The following UBR2 variants were observed in gnomAD, a reference collection of about 807,000 sequenced individuals.
UBR2 encodes the protein E3 ubiquitin-protein ligase UBR2.
A neutral mutation model predicts 247.9 loss-of-function variants in UBR2; 92 were observed. That is an observed-to-expected ratio of 0.37 (90% CI 0.31 to 0.44). The LOEUF (loss-of-function observed/expected upper bound fraction) is 0.44, where lower values mean the gene tolerates loss of function less well. UBR2 is among the 20% of genes least tolerant of loss of function. The pLI is 1.00. For synonymous variants in UBR2, 672 were observed against 693.5 expected, an observed-to-expected ratio of 0.97 and a Z score of 0.49; for missense variants, 1,613 against 2,112.6, an observed-to-expected ratio of 0.76 and a Z score of 4.64.
chr6:42,663,478 A>G (rs1797936764), intron 32 of UBR2, 59 bp downstream of exon 32: 3 of 1,491,446 alleles, frequency 2.0e-6, no homozygotes, highest in Non-Finnish European at 2.7e-6. Flanking sequence ...AGATAATGAA[A>G]TAATAAATCA....
chr6:42,587,502 T>C (rs147100270), intron 2 of UBR2, among the ~76,000 whole-genome samples: 11 of 151,962 alleles, frequency 7.2e-5, no homozygotes, highest in Non-Finnish European at 1.5e-4. Context: ...AGACTACAGG[T>C]GCATGCTGCC....
In UBR2 at chr6:42,564,038, A is replaced by T. The variant is rs1014799814; in HGVS notation, c.-282A>T. The stretch of plus-strand genomic sequence containing the variant: ...CCTGGTGCAGGACGCGGTAGTGGCC[A>T]GCGAGAGTGTCAGGCCTGGGGTTTT... On this transcript the variant is annotated 5_prime_UTR_variant, in exon 1 of 47. Transcript: ENST00000372901. The T allele has an allele frequency of 1.9e-5, 9 of 478,374 alleles. No homozygotes were observed. The highest frequency in any genetic ancestry group is 1.6e-4 in the African/African-American group (8 of 49,262). 29.6% of individuals were successfully genotyped at this position (478,374 alleles called of 1,614,324 possible).
Position 42,609,422 on chromosome 6 carries a change from A to G in UBR2, c.865-2749A>G, listed in dbSNP as rs576814504. ...TAAGATGCACAAAAGCATGTGTAGT[A>G]TTTGATTTTCATAAGTCAAACTAAC... On this transcript the variant is annotated intron_variant, in intron 7 of 46. Transcript: ENST00000372901. Among the ~76,000 whole-genome samples, 49 of 152,310 alleles carry G rather than the reference A, an allele frequency of 3.2e-4. No homozygotes were observed. The South Asian group carries it at 9.5e-3, about 30-fold the overall frequency.
At chr6:42,671,201 A>C (rs1391292648) in intron 36 of UBR2, among the ~76,000 whole-genome samples, 1 of 151,754 alleles carries the variant, frequency 6.6e-6, no homozygotes, top group African/African-American at 2.4e-5. Flanking sequence ...AAAAAAAAAA[A>C]AAAAATTGCA....
At position 42,614,236 on chromosome 6, in the gene UBR2, ACACACACACGCG is replaced by A. The variant is rs1309392902; in HGVS notation, c.986-833_986-822del. Among the ~76,000 whole-genome samples the A allele has an allele frequency of 4.2e-4, 32 of 75,902 alleles. 1 individual carries two copies. The highest frequency in any genetic ancestry group is 4.0e-3 in the South Asian group (9 of 2,246). The allele number at this position is 75,902 out of a possible 152,430, so 49.8% of individuals were successfully genotyped here. A position where few individuals can be genotyped will look rare whatever the true frequency, so the allele number is the denominator to read the frequency against. ...TATATATACACACACACACACACAC[ACACACACACGCG>A]CGCACATATATATACACACACACGT... On this transcript the variant is annotated intron_variant, in intron 8 of 46. Coordinates refer to ENST00000372901, the MANE Select transcript of UBR2 (RefSeq NM_001363705.2).
chr6:42,594,361 A>G (rs1562292680), intron 4 of UBR2, 57 bp downstream of exon 4: 1 of 1,364,168 alleles, frequency 7.3e-7, no homozygotes, highest in Non-Finnish European at 1.0e-6. Flanking sequence ...TTTGAGAAAT[A>G]GTCATTAGAT....
chr6:42,605,958 C>A, intron 6 of UBR2, 99 bp downstream of exon 6: 1 of 1,083,298 alleles, frequency 9.2e-7, no homozygotes, highest in Non-Finnish European at 1.3e-6. Flanking sequence ...TATATCTAGG[C>A]TTTTCTTAAA....
At chr6:42,631,860 T>TTATATA (rs59218885) in intron 11 of UBR2, among the ~76,000 whole-genome samples, 77 of 61,502 alleles carry the variant, frequency 1.3e-3, no homozygotes, top group African/African-American at 2.1e-3. Context: ...TACTCTGATT[T>TTATATA]TATATATATA....
intron 1 of UBR2, among the ~76,000 whole-genome samples, chr6:42,566,725 GT>G (rs5875813): frequency 1.1e-4 from 16 of 150,030 alleles, no homozygotes; most frequent in Non-Finnish European, 1.9e-4. Flanking sequence ...TGAACAATAA[GT>G]TTTTTTTTTT....
At chr6:42,604,272 A>ATT (rs1179381508) in intron 5 of UBR2, among the ~76,000 whole-genome samples, 1 of 152,080 alleles carries the variant, frequency 6.6e-6, no homozygotes, top group Non-Finnish European at 1.5e-5. Flanking sequence ...TGAGGGCTTT[A>ATT]TTTTCCTTGT....
At chr6:42,622,812 C>G (rs1795079230) in intron 11 of UBR2, among the ~76,000 whole-genome samples, 1 of 150,906 alleles carries the variant, frequency 6.6e-6, no homozygotes, top group Non-Finnish European at 1.5e-5. Flanking sequence ...CCACTTTTTC[C>G]ACATTCATTT....
At chr6:42,617,887 TC>T (rs1452211461) in intron 11 of UBR2, among the ~76,000 whole-genome samples, 1 of 152,190 alleles carries the variant, frequency 6.6e-6, no homozygotes, top group African/African-American at 2.4e-5. Flanking sequence ...GAAGTCCTCC[TC>T]CCACCTCCCT....
At chr6:42,690,799 G>A (rs1310284100) in intron 46 of UBR2, among the ~76,000 whole-genome samples, 1 of 152,144 alleles carries the variant, frequency 6.6e-6, no homozygotes, top group African/African-American at 2.4e-5. Context: ...CTCTGGGTAA[G>A]TCTGGTTTGT....
intron 8 of UBR2, among the ~76,000 whole-genome samples, chr6:42,614,344 G>A (rs9800541): frequency 7.5e-4 from 18 of 24,128 alleles, no homozygotes; most frequent in East Asian, 6.3e-3. Flanking sequence ...GTGTATGTGT[G>A]TATGTATGTG....
chr6:42,587,022 G>A (rs1240822447), intron 2 of UBR2, among the ~76,000 whole-genome samples: 1 of 151,770 alleles, frequency 6.6e-6, no homozygotes, highest in Non-Finnish European at 1.5e-5. Flanking sequence ...GTTTCACCAT[G>A]TTGGCCAGGC....
At chr6:42,630,994 A>T (rs150043904) in intron 11 of UBR2, among the ~76,000 whole-genome samples, 15 of 151,886 alleles carry the variant, frequency 9.9e-5, no homozygotes, top group Non-Finnish European at 1.3e-4. Flanking sequence ...TTTTATAGAG[A>T]CAGGGTTTCA....
intron 4 of UBR2, among the ~76,000 whole-genome samples, chr6:42,599,618 TTTG>T (rs58082409): frequency 0.65 from 98,780 of 151,166 alleles, 32,501 homozygotes; most frequent in African/African-American, 0.73. Context: ...GGGGGTTTTT[TTTG>T]TTGTTGTTGT....
chr6:42,685,973 C>G (rs1272436271), intron 44 of UBR2, among the ~76,000 whole-genome samples: 1 of 152,186 alleles, frequency 6.6e-6, no homozygotes, highest in Admixed American at 6.5e-5. Flanking sequence ...TTTCTCCTCC[C>G]TCTGAAGATA....
At chr6:42,653,606 CTTTTTTT>C (rs72460060) in intron 25 of UBR2, among the ~76,000 whole-genome samples, 1 of 50,582 alleles carries the variant, frequency 2.0e-5, no homozygotes, top group African/African-American at 9.0e-5. Flanking sequence ...ATGCTAAGCC[CTTTTTTT>C]TTTTTTTTTT....
Sources: gnomAD v4.1 joint callset for allele counts (sites outside exome capture counted in the v4.1 genomes callset) on GRCh38, gnomAD v4.1.1 for gene constraint, MANE v1.5 for transcripts, NCBI Gene and HGNC (gene_info 2026-07-23, HGNC 2026-07-21) for gene names.